The following REV3L variants were observed in gnomAD, a reference collection of about 807,000 sequenced individuals.
REV3L encodes REV3 like, DNA directed polymerase zeta catalytic subunit.
REV3L carries 69 observed loss-of-function variants against 299.4 expected under a neutral mutation model. The ratio of observed to expected loss-of-function variants is 0.23; its 90% CI spans 0.19 to 0.28. The LOEUF is 0.28. REV3L is among the 10% of genes least tolerant of loss of function. The probability of loss-of-function intolerance (pLI) is 1.00; values close to 1 mark genes in which losing one functional copy is unlikely to be tolerated. For synonymous variants in REV3L, 1,238 were observed against 1,271.4 expected (o/e 0.97, Z 0.56); for missense variants, 3,128 against 3,693.8 (o/e 0.85, Z 3.97).
intron 25 of REV3L, among the ~76,000 whole-genome samples, chr6:111,324,343 C>A (rs904414924): frequency 2.0e-5 from 3 of 152,154 alleles, no homozygotes; most frequent in African/African-American, 7.2e-5. Flanking sequence ...ACCTCTAGTA[C>A]ATCAGAAAAT....
intron 9 of REV3L, among the ~76,000 whole-genome samples, chr6:111,383,251 C>T (rs1781016714): frequency 1.3e-5 from 2 of 152,154 alleles, no homozygotes; most frequent in African/African-American, 2.4e-5. Context: ...TGTTATTCAA[C>T]ACAGTACTAG....
chr6:111,480,298 T>A (rs767842842), intron 1 of REV3L, among the ~76,000 whole-genome samples: 13 of 152,234 alleles, frequency 8.5e-5, no homozygotes, highest in Non-Finnish European at 1.8e-4. Context: ...TATAAAGATA[T>A]AATACAAACC....
intron 1 of REV3L, among the ~76,000 whole-genome samples, chr6:111,444,623 T>A (rs1788629018): frequency 1.3e-5 from 2 of 152,180 alleles, no homozygotes; most frequent in Non-Finnish European, 2.9e-5. Flanking sequence ...TGATAATATA[T>A]CAAATGATAA....
chr6:111,416,476 A>T lies in REV3L; in HGVS notation c.140-4T>A. On this transcript the variant is annotated splice_region_variant and splice_polypyrimidine_tract_variant and intron_variant, in intron 1 of 31. Coordinates refer to ENST00000368802, the MANE Select transcript of REV3L (RefSeq NM_001372078.1). Reference sequence around the variant, plus strand: ...AGATGAAGACATGTCTTCTGACCTAAAATGTAACACATTATAAAGTTTAGT... The same window carrying T: ...AGATGAAGACATGTCTTCTGACCTATAATGTAACACATTATAAAGTTTAGT... The T allele has an allele frequency of 6.2e-7, 1 of 1,604,494 alleles. No homozygotes were observed. Among genetic ancestry groups the T allele is most frequent in the Non-Finnish European group, 8.5e-7 (1 of 1,172,754 alleles).
At chr6:111,483,453 T>G, upstream of REV3L, 2 of 427,500 alleles carry the variant, frequency 4.7e-6, no homozygotes, top group South Asian at 2.6e-5. Flanking sequence ...GCGGGCACGG[T>G]CACCTGGGTG....
At chr6:111,387,954 CAAAG>C in intron 8 of REV3L, 41 bp from the exon 9 acceptor site, 3 of 1,607,254 alleles carry the variant, frequency 1.9e-6, no homozygotes, top group Non-Finnish European at 2.6e-6. Flanking sequence ...GACTACATAA[CAAAG>C]GAATAAAATT....
At chr6:111,314,095 T>C (rs1335051510) in intron 27 of REV3L, among the ~76,000 whole-genome samples, 1 of 152,214 alleles carries the variant, frequency 6.6e-6, no homozygotes, top group Non-Finnish European at 1.5e-5. Flanking sequence ...GATTACTGGC[T>C]CTTAGAGGGC....
chr6:111,383,186 T>C (rs374480676), intron 9 of REV3L, among the ~76,000 whole-genome samples: 3 of 152,016 alleles, frequency 2.0e-5, no homozygotes, highest in Non-Finnish European at 4.4e-5. Flanking sequence ...CTGGGAAAAA[T>C]TGAAAGCCCG....
intron 13 of REV3L, among the ~76,000 whole-genome samples, chr6:111,371,742 T>C (rs541370476): frequency 6.6e-6 from 1 of 152,204 alleles, no homozygotes; most frequent in African/African-American, 2.4e-5. Flanking sequence ...TTTTGTATTT[T>C]TAGTAGAGAC....
intron 9 of REV3L, among the ~76,000 whole-genome samples, chr6:111,383,433 C>G (rs1215623462): frequency 6.6e-6 from 1 of 152,180 alleles, no homozygotes; most frequent in Admixed American, 6.5e-5. Context: ...ACAAAATCAA[C>G]ATATGAAAAT....
intron 1 of REV3L, among the ~76,000 whole-genome samples, chr6:111,439,663 C>A (rs1469430961): frequency 6.6e-6 from 1 of 152,128 alleles, no homozygotes; most frequent in African/African-American, 2.4e-5. Context: ...TGGATGGTAA[C>A]ATGACAGAAA....
At chr6:111,389,715 T>C (rs17510733) in intron 6 of REV3L, among the ~76,000 whole-genome samples, 8,034 of 149,846 alleles carry the variant, frequency 0.054, 252 homozygotes, top group Middle Eastern at 0.078. Context: ...TTCTATTCCA[T>C]TTTGGTCATT....
chr6:111,348,214 A>G (rs943664875), intron 20 of REV3L, among the ~76,000 whole-genome samples: 1 of 152,144 alleles, frequency 6.6e-6, no homozygotes, highest in African/African-American at 2.4e-5. Context: ...CGGCCTCCCA[A>G]AGAGTTGGGA....
rs192790412 is a variant in REV3L at position 111,435,533 on chromosome 6, A to C, written c.140-19061T>G. ...ATTAACAGCTAACTCATTTTCAACA[A>C]AGGCATCAAAAACATACAATGGGGA... On this transcript the variant is annotated intron_variant, in intron 1 of 31. Transcript: ENST00000368802. Among the ~76,000 whole-genome samples the C allele has an allele frequency of 9.1e-4, 138 of 152,322 alleles. No homozygotes were observed. In the Middle Eastern group the frequency reaches 0.01, roughly 11 times the overall value.
chr6:111,376,506 A>C lies in REV3L; in HGVS notation c.1849T>G (p.Phe617Val), dbSNP rs760903054. 7 of 1,613,124 alleles carry C rather than the reference A, an allele frequency of 4.3e-6. No homozygotes were observed. In the Admixed American group the frequency reaches 5.0e-5, roughly 12 times the overall value. Reference protein sequence around the residue: ...EKGLDNSVTSFTNESTYSMKY... With the variant: ...EKGLDNSVTSVTNESTYSMKY... ...ATAGAATAAGTGCTTTCGTTTGTAA[A>C]AGAAGTGACTGAGTTATCTAGACCT... Residue 617 changes from phenylalanine to valine, a missense_variant, in exon 13 of 32, where the codon TTT (phenylalanine) becomes GTT (valine). This residue lies in a region of REV3L where 2,409 missense variants were observed against 2,611.8 expected (regional missense o/e 0.92). Transcript: ENST00000368802.
At chr6:111,447,964 C>T (rs902140900) in intron 1 of REV3L, among the ~76,000 whole-genome samples, 3 of 152,088 alleles carry the variant, frequency 2.0e-5, no homozygotes, top group African/African-American at 7.2e-5. Context: ...ACACAAAATC[C>T]TTACTTTAAA....
At chr6:111,409,898 A>G (rs1480642888) in intron 3 of REV3L, among the ~76,000 whole-genome samples, 1 of 152,150 alleles carries the variant, frequency 6.6e-6, no homozygotes, top group Non-Finnish European at 1.5e-5. Flanking sequence ...TTTTGCTTAT[A>G]TATTTGGGTT....
chr6:111,382,379 G>A (rs987398069), intron 9 of REV3L, among the ~76,000 whole-genome samples: 5 of 152,166 alleles, frequency 3.3e-5, no homozygotes, highest in Non-Finnish European at 4.4e-5. Flanking sequence ...CTTGAGGCAC[G>A]GAGAGAGAAA....
intron 5 of REV3L, among the ~76,000 whole-genome samples, chr6:111,391,681 C>G (rs1781946006): frequency 6.6e-6 from 1 of 152,212 alleles, no homozygotes; most frequent in South Asian, 2.1e-4. Context: ...GTGATCCCAG[C>G]TTCGGCTTGG....
Sources: allele counts gnomAD v4.1 joint callset (sites outside exome capture counted in the v4.1 genomes callset), GRCh38; gene constraint gnomAD v4.1.1; regional missense constraint gnomAD v4.1.1; transcripts MANE v1.5; gene names NCBI Gene and HGNC (gene_info 2026-07-23, HGNC 2026-07-21).